The following APC variants were observed in gnomAD, a reference collection of about 807,000 sequenced individuals.
APC encodes adenomatous polyposis coli protein.
APC carries 72 observed loss-of-function variants against 247.0 expected under a neutral mutation model. The ratio of observed to expected loss-of-function variants is 0.29; its 90% CI spans 0.24 to 0.35. The LOEUF (loss-of-function observed/expected upper bound fraction) is 0.35, where lower values mean the gene tolerates loss of function less well. Among genes scored for constraint, APC ranks in the 10% least tolerant of loss-of-function variants. APC has a pLI of 1.00. For synonymous variants in APC, 1,254 were observed against 1,162.5 expected (o/e 1.08, Z -1.60); for missense variants, 3,400 against 3,360.7 (o/e 1.01, Z -0.29).
upstream of APC, among the ~76,000 whole-genome samples, chr5:112,736,545 A>G (rs1277481026): frequency 1.3e-5 from 2 of 152,258 alleles, no homozygotes; most frequent in Non-Finnish European, 2.9e-5. Context: ...AATTGCCTCA[A>G]ATATGCTATT....
intron 1 of APC, among the ~76,000 whole-genome samples, chr5:112,711,131 A>G (rs1361412048): frequency 2.0e-5 from 3 of 152,240 alleles, no homozygotes; most frequent in African/African-American, 7.2e-5. Flanking sequence ...TGGGCAGCAT[A>G]GCAGGAGGTG....
intron 1 of APC, among the ~76,000 whole-genome samples, chr5:112,748,907 G>C (rs573439504): frequency 1.2e-4 from 18 of 152,312 alleles, no homozygotes; most frequent in Non-Finnish European, 2.4e-4. Context: ...TGAAGCAGGA[G>C]GGTTACTTGA....
chr5:112,720,191 A>G (rs531315036), intron 1 of APC, among the ~76,000 whole-genome samples: 1 of 152,226 alleles, frequency 6.6e-6, no homozygotes, highest in Non-Finnish European at 1.5e-5. Context: ...CACAGCCATT[A>G]ATATGAAATG....
chr5:112,790,351 G>A (rs767504483), intron 6 of APC, among the ~76,000 whole-genome samples: 1 of 151,092 alleles, frequency 6.6e-6, no homozygotes, highest in Non-Finnish European at 1.5e-5. Context: ...GTTTTGAGAC[G>A]GAGTCTCACT....
intron 14 of APC, among the ~76,000 whole-genome samples, chr5:112,834,164 A>G (rs1764609142): frequency 6.6e-6 from 1 of 150,620 alleles, no homozygotes; most frequent in African/African-American, 2.4e-5. Context: ...CTGGTCTCAA[A>G]TTCCTAAACT....
rs751729992 is a variant in APC, at chr5:112,839,599, C to T, written c.4005C>T (p.Ser1335=). The change falls in exon 16 of 16, where the codon AGC becomes AGT. Residue 1335 remains serine (S), a synonymous_variant. Transcript: ENST00000257430. The surrounding 1 kb of genome is among the most constrained non-coding windows in gnomAD (Gnocchi z 5.0). ...AVSQHPRTKS[S]RLQGSSLSSE... is the part of the protein sequence containing the mutation. ...CACAGCACCCTAGAACCAAATCCAG[C>T]AGACTGCAGGGTTCTAGTTTATCTT... 5 of 1,614,148 alleles carry T rather than the reference C, an allele frequency of 3.1e-6. No individual in the cohort carries two copies. The highest frequency in any genetic ancestry group is 1.1e-5 in the South Asian group (1 of 91,072).
intron 1 of APC, among the ~76,000 whole-genome samples, chr5:112,725,750 C>T (rs886392291): frequency 6.6e-6 from 1 of 151,996 alleles, no homozygotes; most frequent in Non-Finnish European, 1.5e-5. Context: ...AACAGTGAGA[C>T]CCTATCTCAA....
chr5:112,719,343 G>A (rs1487891805), intron 1 of APC, among the ~76,000 whole-genome samples: 3 of 151,682 alleles, frequency 2.0e-5, no homozygotes, highest in Non-Finnish European at 2.9e-5. Flanking sequence ...TCAGCCCTCC[G>A]AGTAGCTGGG....
At position 112,801,277 on chromosome 5, in the gene APC, AGAGGTCATC is replaced by A; in HGVS notation, c.730-1_737del. 6.2e-7 allele frequency: 1 copy of A among 1,611,938 alleles called. No homozygotes were observed. Among genetic ancestry groups the A allele is most frequent in the Non-Finnish European group, 8.5e-7 (1 of 1,178,408 alleles). On this transcript the variant is annotated splice_acceptor_variant and coding_sequence_variant, in exon 8 of 16. Transcript: ENST00000257430. LOFTEE classifies it high-confidence loss of function. Reference sequence around the variant, plus strand: ...GTACTGATGTTAACTCCATCTTAACAGAGGTCATCTCAGAACAAGCATGAAACCGGCTCA... The same window carrying A: ...GTACTGATGTTAACTCCATCTTAACATCAGAACAAGCATGAAACCGGCTCA...
At chr5:112,737,242 A>C (rs895320608), upstream of APC, among the ~76,000 whole-genome samples, 21 of 152,316 alleles carry the variant, frequency 1.4e-4, no homozygotes, top group Admixed American at 3.3e-4. Context: ...TTTATACAGC[A>C]GGAAATTGAA....
intron 7 of APC, among the ~76,000 whole-genome samples, chr5:112,793,476 A>G (rs1377842070): frequency 8.3e-6 from 1 of 120,988 alleles, no homozygotes; most frequent in African/African-American, 3.0e-5. Flanking sequence ...CTAACCCAAG[A>G]AAAAAAACTT....
In APC at chr5:112,843,084, C is replaced by G. The variant is rs141010008; in HGVS notation, c.7490C>G (p.Ser2497Trp). The part of the protein sequence containing the change: ...SLPDMSLSTH[S>W]SVQAGGWRKL... Reference sequence around the variant, plus strand: ...CCTGATATGTCTCTATCCACACATTCGTCTGTTCAGGCTGGTGGATGGCGA... The same window carrying G: ...CCTGATATGTCTCTATCCACACATTGGTCTGTTCAGGCTGGTGGATGGCGA... The change falls in exon 16 of 16, where the codon TCG becomes TGG. Residue 2497 changes from serine (S) to tryptophan (W), a missense_variant. Coordinates refer to ENST00000257430, the MANE Select transcript of APC (RefSeq NM_000038.6). The surrounding 1 kb of genome is among the most constrained non-coding windows in gnomAD (Gnocchi z 4.8). 4 of 1,613,976 alleles carry G rather than the reference C, an allele frequency of 2.5e-6. No homozygotes were observed. Among genetic ancestry groups the G allele is most frequent in the Admixed American group, 1.7e-5 (1 of 60,018 alleles).
chr5:112,837,560 C>G lies in APC; in HGVS notation c.1966C>G (p.Leu656Val), dbSNP rs577466163. The G allele has an allele frequency of 6.8e-6, 11 of 1,612,118 alleles. No homozygotes were observed. In the Admixed American group the frequency reaches 1.0e-4, roughly 15 times the overall value. The change falls in exon 16 of 16, where the codon CTA (leucine) becomes GTA (valine). Residue 656 changes from leucine to valine, a missense_variant. Coordinates refer to ENST00000257430, the MANE Select transcript of APC (RefSeq NM_000038.6). ...IATNEDHRQILRENNCLQTLL... is the reference protein window; with the variant it reads ...IATNEDHRQIVRENNCLQTLL... ...CTCTTGATTTTATTTCAGGCAAATC[C>G]TAAGAGAGAACAACTGTCTACAAAC... is the stretch of plus-strand genomic sequence containing the variant.
chr5:112,825,228 T>A (rs1273595528), intron 11 of APC, among the ~76,000 whole-genome samples: 1 of 152,132 alleles, frequency 6.6e-6, no homozygotes, highest in Non-Finnish European at 1.5e-5. Flanking sequence ...ATGTCATCAC[T>A]CTTCTCTTCA....
chr5:112,766,751 G>A (rs1756380942), intron 3 of APC, among the ~76,000 whole-genome samples: 2 of 152,076 alleles, frequency 1.3e-5, no homozygotes, highest in South Asian at 4.1e-4. Context: ...TGTTTCATTG[G>A]AAGAAGTATT....
intron 8 of APC, among the ~76,000 whole-genome samples, chr5:112,809,842 C>G (rs1350560223): frequency 6.6e-6 from 1 of 152,012 alleles, no homozygotes; most frequent in Non-Finnish European, 1.5e-5. Flanking sequence ...ACTAAAAATA[C>G]AAAAATTAGC....
rs774219012 is a variant in APC, at chr5:112,754,900, G to C, written c.10G>C (p.Ala4Pro). Reference protein sequence around the residue: MAAASYDQLLKQVE... With the variant: MAAPSYDQLLKQVE... ...CCAAGGGTAGCCAAGGATGGCTGCA[G>C]CTTCATATGATCAGTTGTTAAAGCA... The change falls in exon 2 of 16, where the codon GCT becomes CCT. Residue 4 changes from alanine to proline, a missense_variant. Around this residue, in one of 9 missense-constraint regions of APC, gnomAD observed 372 missense variants for 367.6 expected, o/e 1.01. Transcript: ENST00000257430. 1 of 1,613,758 alleles carries C rather than the reference G, an allele frequency of 6.2e-7. No individual in the cohort carries two copies.
chr5:112,714,860 G>A (rs957272863), intron 1 of APC, among the ~76,000 whole-genome samples: 4 of 152,078 alleles, frequency 2.6e-5, no homozygotes, highest in Non-Finnish European at 5.9e-5. Flanking sequence ...ATGTCTAAAT[G>A]TCTGGAATAC....
intron 5 of APC, among the ~76,000 whole-genome samples, chr5:112,779,059 C>G (rs1758036751): frequency 6.6e-6 from 1 of 152,156 alleles, no homozygotes; most frequent in African/African-American, 2.4e-5. Flanking sequence ...TGCTCATTCT[C>G]CTAGAATAAT....
Sources: allele counts gnomAD v4.1 joint callset (sites outside exome capture counted in the v4.1 genomes callset), GRCh38; gene constraint gnomAD v4.1.1; regional missense constraint gnomAD v4.1.1; non-coding constraint Gnocchi (gnomAD v3.1); transcripts MANE v1.5; gene names NCBI Gene and HGNC (gene_info 2026-07-23, HGNC 2026-07-21).